Variants in SCFD2 observed in about 807,000 individuals in gnomAD.
The protein encoded by SCFD2 is sec1 family domain containing 2.
A neutral mutation model predicts 58.9 loss-of-function variants in SCFD2; 54 were observed. The ratio of observed to expected loss-of-function variants is 0.92; its 90% CI spans 0.74 to 1.15. The LOEUF is 1.15. Among genes scored for constraint, SCFD2 ranks in the 50% most tolerant of loss-of-function variants. The probability of loss-of-function intolerance (pLI) is 0.00; values close to 1 mark genes in which losing one functional copy is unlikely to be tolerated. For synonymous variants in SCFD2, 321 were observed against 335.9 expected, an observed-to-expected ratio of 0.96 and a Z score of 0.49; for missense variants, 805 against 836.6, an observed-to-expected ratio of 0.96 and a Z score of 0.47.
intron 5 of SCFD2, among the ~76,000 whole-genome samples, chr4:53,019,118 G>A (rs1163211446): frequency 6.6e-6 from 1 of 152,106 alleles, no homozygotes; most frequent in East Asian, 1.9e-4. Flanking sequence ...CTTTGACCTA[G>A]TAATTCCATT....
At chr4:53,352,138 GA>G (rs947024937) in intron 2 of SCFD2, among the ~76,000 whole-genome samples, 30 of 151,636 alleles carry the variant, frequency 2.0e-4, no homozygotes, top group African/African-American at 5.3e-4. Context: ...CTAAGCATGT[GA>G]AAAAAAATAT....
intron 5 of SCFD2, among the ~76,000 whole-genome samples, chr4:52,921,462 T>C (rs566285498): frequency 6.6e-6 from 1 of 152,146 alleles, no homozygotes; most frequent in Non-Finnish European, 1.5e-5. Flanking sequence ...CTCTGTTTTG[T>C]TAGAAGCTCA....
At chr4:52,951,435 GA>G (rs149810156) in intron 5 of SCFD2, among the ~76,000 whole-genome samples, 7,094 of 152,172 alleles carry the variant, frequency 0.047, 548 homozygotes, top group African/African-American at 0.16. Flanking sequence ...CTGAGACTGG[GA>G]AATCTTTGAA....
At chr4:53,036,697 G>C (rs1458237801) in intron 5 of SCFD2, among the ~76,000 whole-genome samples, 2 of 151,984 alleles carry the variant, frequency 1.3e-5, no homozygotes, top group Non-Finnish European at 2.9e-5. Flanking sequence ...CTGTCAGGGG[G>C]TGTGGGGCTA....
At chr4:53,070,831 T>C (rs980413431) in intron 5 of SCFD2, among the ~76,000 whole-genome samples, 2 of 152,090 alleles carry the variant, frequency 1.3e-5, no homozygotes, top group African/African-American at 4.8e-5. Context: ...CTGATGAAAG[T>C]CATAGATTCC....
intron 5 of SCFD2, among the ~76,000 whole-genome samples, chr4:53,016,703 T>C (rs1455998069): frequency 6.6e-6 from 1 of 152,216 alleles, no homozygotes; most frequent in African/African-American, 2.4e-5. Context: ...TCTCACTGTT[T>C]AGAACATTTA....
rs539175693 is a variant in SCFD2 at position 53,309,037 on chromosome 4, G to A, written c.1135+4599C>T. Among the ~76,000 whole-genome samples, 276 of 152,140 alleles carry A rather than the reference G, an allele frequency of 1.8e-3. 1 individual carries two copies. The highest frequency in any genetic ancestry group is 4.1e-4 in the Non-Finnish European group (28 of 68,000). Reference sequence around the variant, plus strand: ...AATCCCAGCTACTCGGAAGGCTGAGGCAGGAGAATCGCTTGAACCCAGGCG... The same window carrying A: ...AATCCCAGCTACTCGGAAGGCTGAGACAGGAGAATCGCTTGAACCCAGGCG... On this transcript the variant is annotated intron_variant, in intron 3 of 8. Transcript: ENST00000401642.
chr4:53,247,078 A>G (rs896410972), intron 4 of SCFD2, among the ~76,000 whole-genome samples: 9 of 152,072 alleles, frequency 5.9e-5, no homozygotes, highest in Non-Finnish European at 1.0e-4. Flanking sequence ...AATTAAAAAA[A>G]CAAAAGTTGA....
intron 5 of SCFD2, among the ~76,000 whole-genome samples, chr4:52,979,072 G>GGC (rs1254260786): frequency 6.6e-6 from 1 of 150,554 alleles, no homozygotes; most frequent in East Asian, 2.0e-4. Context: ...TTTTGGGGGG[G>GGC]GGAGTAGTTA....
chr4:53,264,594 G>A (rs1730925399), intron 4 of SCFD2, among the ~76,000 whole-genome samples: 1 of 152,100 alleles, frequency 6.6e-6, no homozygotes, highest in Non-Finnish European at 1.5e-5. Flanking sequence ...TTATAAAACA[G>A]AACCTCCCAG....
At chr4:53,158,900 T>C (rs992159496) in intron 4 of SCFD2, among the ~76,000 whole-genome samples, 1 of 152,206 alleles carries the variant, frequency 6.6e-6, no homozygotes, top group Non-Finnish European at 1.5e-5. Context: ...TCACTTTGTC[T>C]CAGGATTCAA....
chr4:52,897,204 G>A (rs1358216994), intron 7 of SCFD2, among the ~76,000 whole-genome samples: 1 of 152,208 alleles, frequency 6.6e-6, no homozygotes, highest in East Asian at 1.9e-4. Context: ...TTGAACAGGA[G>A]TGGTGAGAGA....
Position 52,979,067 on chromosome 4 carries a change from G to GGT in SCFD2, c.1562-58198_1562-58197insAC, listed in dbSNP as rs1029968902. ...AGCCAACACACCAGGCCTTTTTTTG[G>GGT]GGGGGGGAGTAGTTAAGAGCAAGAT... On this transcript the variant is annotated intron_variant, in intron 5 of 8. Transcript: ENST00000401642. Among the ~76,000 whole-genome samples, 6 of 150,528 alleles carry GGT rather than the reference G, an allele frequency of 4.0e-5. No individual in the cohort carries two copies. In the South Asian group the frequency reaches 6.5e-4, roughly 16 times the overall value.
intron 4 of SCFD2, among the ~76,000 whole-genome samples, chr4:53,218,972 T>A (rs1728956060): frequency 1.3e-5 from 2 of 152,106 alleles, no homozygotes; most frequent in South Asian, 4.1e-4. Flanking sequence ...GAACAGCAAA[T>A]GTTGTTGCCT....
intron 5 of SCFD2, among the ~76,000 whole-genome samples, chr4:53,066,792 A>C (rs1291714794): frequency 1.3e-5 from 2 of 151,996 alleles, no homozygotes; most frequent in Non-Finnish European, 2.9e-5. Context: ...GACTCCTTAG[A>C]TTCAAACCCT....
intron 5 of SCFD2, among the ~76,000 whole-genome samples, chr4:53,095,665 G>A (rs905546607): frequency 6.6e-5 from 10 of 152,004 alleles, no homozygotes; most frequent in African/African-American, 2.4e-4. Context: ...TAAAACCTAA[G>A]TGCTTAAAAT....
At chr4:52,899,221 G>C (rs575907331) in intron 7 of SCFD2, among the ~76,000 whole-genome samples, 3 of 152,280 alleles carry the variant, frequency 2.0e-5, no homozygotes, top group Non-Finnish European at 2.9e-5. Context: ...TTGCTCTTTA[G>C]TTGATGCAGT....
At chr4:52,989,407 T>C (rs1022426459) in intron 5 of SCFD2, among the ~76,000 whole-genome samples, 1 of 152,218 alleles carries the variant, frequency 6.6e-6, no homozygotes, top group Non-Finnish European at 1.5e-5. Flanking sequence ...TTGTCTCTAT[T>C]CATACTATAA....
chr4:53,300,007 A>C (rs1357512582), intron 3 of SCFD2, among the ~76,000 whole-genome samples: 2 of 152,212 alleles, frequency 1.3e-5, no homozygotes, highest in Middle Eastern at 6.3e-3. Context: ...CAAAATTGTA[A>C]AGACCATCAA....
Sources: allele counts gnomAD v4.1 joint callset (sites outside exome capture counted in the v4.1 genomes callset), GRCh38; gene constraint gnomAD v4.1.1; transcripts MANE v1.5; gene names NCBI Gene and HGNC (gene_info 2026-07-23, HGNC 2026-07-21).